Variants in TTC34 observed in about 807,000 individuals in gnomAD.
TTC34 encodes tetratricopeptide repeat domain 34.
A neutral mutation model predicts 40.7 loss-of-function variants in TTC34; 44 were observed. The observed-to-expected ratio is 1.08, with a 90% CI of 0.85 to 1.39. TTC34 has a LOEUF of 1.39. Ranked by LOEUF, TTC34 falls within the 40% of genes most tolerant of loss-of-function variation. TTC34 has a pLI of 0.00. For synonymous variants in TTC34, 422 were observed against 398.6 expected (o/e 1.06, Z -0.70); for missense variants, 884 against 838.0 (o/e 1.05, Z -0.68).
rs1354658064 is a variant in TTC34 at position 2,751,007 on chromosome 1, C to A, written c.2226+32602G>T. Among the ~76,000 whole-genome samples the A allele has an allele frequency of 8.6e-4, 91 of 105,374 alleles. 2 individuals carry two copies. Among genetic ancestry groups the A allele is most frequent in the Middle Eastern group, 4.7e-3 (1 of 212 alleles). The allele number at this position is 105,374 out of a possible 152,430, so 69.1% of individuals were successfully genotyped here. ...TGATGGTCTGGAGCAGCACCCACAC[C>A]GACAGGTGAGCATCTGACAGCCTGG... On this transcript the variant is annotated intron_variant, in intron 6 of 8. Transcript: ENST00000401095.
intron 6 of TTC34, among the ~76,000 whole-genome samples, chr1:2,691,950 G>C (rs560300924): frequency 4.8e-5 from 4 of 83,934 alleles, no homozygotes; most frequent in African/African-American, 1.6e-4. Flanking sequence ...CACAACCCCA[G>C]GTGAGCATCT....
At chr1:2,795,639 C>A (rs1643704771) in intron 2 of TTC34, among the ~76,000 whole-genome samples, 1 of 152,194 alleles carries the variant, frequency 6.6e-6, no homozygotes, top group Admixed American at 6.5e-5. Flanking sequence ...AGAACAGACC[C>A]TGCATCTTGC....
At chr1:2,684,660 T>G (rs1294902637) in intron 6 of TTC34, among the ~76,000 whole-genome samples, 1 of 131,522 alleles carries the variant, frequency 7.6e-6, no homozygotes. Flanking sequence ...TCCGACAGCC[T>G]GGAGCAGCAC....
chr1:2,699,638 GGT>G (rs1641038126), intron 6 of TTC34, among the ~76,000 whole-genome samples: 2 of 85,460 alleles, frequency 2.3e-5, no homozygotes, highest in Non-Finnish European at 5.7e-5. Flanking sequence ...CTGACAGCCT[GGT>G]GAAGCGCCCA....
At chr1:2,777,456 C>G (rs796352716) in intron 6 of TTC34, among the ~76,000 whole-genome samples, 1 of 152,208 alleles carries the variant, frequency 6.6e-6, no homozygotes, top group Non-Finnish European at 1.5e-5. Flanking sequence ...AGTCCTGCCC[C>G]CCGGTTAGTG....
At position 2,748,921 on chromosome 1, in the gene TTC34, C is replaced by T. The variant is rs1458782818; in HGVS notation, c.2226+34688G>A. 4.3e-5 allele frequency among the ~76,000 whole-genome samples: 5 copies of T among 117,588 alleles called. 1 individual carries two copies. The highest frequency in any genetic ancestry group is 1.7e-4 in the Admixed American group (2 of 11,936). The allele number at this position is 117,588 out of a possible 152,430, so 77.1% of individuals were successfully genotyped here. A position where few individuals can be genotyped will look rare whatever the true frequency, so the allele number is the denominator to read the frequency against. ...TGACAGCCTGGAACAGAACCCACAC[C>T]GCCAGGGGAGTATCTGACAGACTGG... On this transcript the variant is annotated intron_variant, in intron 6 of 8. Coordinates refer to ENST00000401095, the Ensembl canonical transcript of TTC34.
At chr1:2,651,253 G>A (rs1639126531) in intron 6 of TTC34, among the ~76,000 whole-genome samples, 2 of 151,860 alleles carry the variant, frequency 1.3e-5, no homozygotes, top group South Asian at 2.1e-4. Flanking sequence ...ATGTGTGACA[G>A]CCTGAAACAG....
At chr1:2,775,634 G>A (rs576553233) in intron 6 of TTC34, 1 of 148,962 alleles carries the variant, frequency 6.7e-6, no homozygotes, top group Non-Finnish European at 1.5e-5. Context: ...CATCCCCTCA[G>A]GTGAGCATCT....
rs960795892 is a variant in TTC34 at position 2,800,351 on chromosome 1, G to A, written c.477C>T (p.Ala159=). ...TGGAGGCGAAGGCCTGGAGATAGGC[G>A]GCCACACCATCCGCTGCCTGCACCC... is the stretch of plus-strand genomic sequence containing the variant. Residue 159 remains alanine, a synonymous_variant, in exon 2 of 9, where the codon GCC becomes GCT. Coordinates refer to ENST00000401095, the Ensembl canonical transcript of TTC34. 26 of 398,426 alleles carry A rather than the reference G, an allele frequency of 6.5e-5. No homozygotes were observed. In the East Asian group the frequency reaches 8.9e-4, roughly 14 times the overall value. 24.7% of individuals were successfully genotyped at this position (398,426 alleles called of 1,614,324 possible).
intron 6 of TTC34, among the ~76,000 whole-genome samples, chr1:2,767,749 T>A (rs1304637352): frequency 2.2e-5 from 3 of 138,668 alleles, no homozygotes; most frequent in Non-Finnish European, 4.7e-5. Flanking sequence ...TATGACAGAA[T>A]AAAGCAGCAC....
chr1:2,759,552 C>G (rs1641622791), intron 6 of TTC34, among the ~76,000 whole-genome samples: 3 of 151,980 alleles, frequency 2.0e-5, no homozygotes, highest in East Asian at 1.9e-4. Context: ...TGGAACAGCA[C>G]CCACACTCCC....
chr1:2,700,148 G>A lies in TTC34; in HGVS notation c.2227-54585C>T, dbSNP rs935803748. On this transcript the variant is annotated intron_variant, in intron 6 of 8. Coordinates refer to ENST00000401095, the Ensembl canonical transcript of TTC34. ...GCATCCTCACCCCAGGTGAGCATCG[G>A]ACATCCTGGAGCATCACATACTCCC... is the stretch of plus-strand genomic sequence containing the variant. Among the ~76,000 whole-genome samples the A allele has an allele frequency of 2.9e-5, 3 of 101,786 alleles. 1 individual carries two copies. Among genetic ancestry groups the A allele is most frequent in the African/African-American group, 6.1e-5 (2 of 32,554 alleles). The allele number at this position is 101,786 out of a possible 152,430, so 66.8% of individuals were successfully genotyped here.
intron 6 of TTC34, among the ~76,000 whole-genome samples, chr1:2,779,321 A>AT (rs112410867): frequency 0.08 from 11,820 of 148,494 alleles, 1,512 homozygotes; most frequent in African/African-American, 0.27. Context: ...TGGTAGTTCT[A>AT]TTTTTTTTTT....
chr1:2,656,133 A>T (rs1476727470), intron 6 of TTC34, among the ~76,000 whole-genome samples: 101 of 149,268 alleles, frequency 6.8e-4, no homozygotes, highest in African/African-American at 2.4e-3. Context: ...CAGAACCCAC[A>T]GCCCCAGGTG....
At chr1:2,657,387 G>C (rs1326038841) in intron 6 of TTC34, among the ~76,000 whole-genome samples, 17 of 94,588 alleles carry the variant, frequency 1.8e-4, no homozygotes, top group Non-Finnish European at 3.6e-4. Context: ...ACACCCCGAG[G>C]TGAGCATCTG....
intron 6 of TTC34, among the ~76,000 whole-genome samples, chr1:2,685,099 G>C (rs979486928): frequency 7.1e-6 from 1 of 140,460 alleles, no homozygotes; most frequent in African/African-American, 2.9e-5. Context: ...GCACGTGACA[G>C]CTTGGATCAG....
At chr1:2,692,573 C>T (rs1427851099) in intron 6 of TTC34, among the ~76,000 whole-genome samples, 401 of 137,434 alleles carry the variant, frequency 2.9e-3, no homozygotes, top group South Asian at 5.1e-3. Flanking sequence ...CGGCCTGGAA[C>T]AGCACCCACA....
chr1:2,638,503 G>T (rs561324963), exon 9 of TTC34: 1 of 152,218 alleles, frequency 6.6e-6, no homozygotes, highest in Non-Finnish European at 1.5e-5. Context: ...GGCAGGAATC[G>T]TGCAAAGCAA....
chr1:2,693,312 G>A lies in TTC34; in HGVS notation c.2227-47749C>T, dbSNP rs923625314. Among the ~76,000 whole-genome samples the A allele has an allele frequency of 8.6e-3, 859 of 100,430 alleles. 1 individual carries two copies. Among genetic ancestry groups the A allele is most frequent in the Non-Finnish European group, 0.013 (593 of 44,114 alleles). The allele number at this position is 100,430 out of a possible 152,430, so 65.9% of individuals were successfully genotyped here. ...ACTGGAACTGCACCCCCATGCCCAG[G>A]TGAGCCTCTGACAGCCTGGAACAGC... On this transcript the variant is annotated intron_variant, in intron 6 of 8. Coordinates refer to ENST00000401095, the Ensembl canonical transcript of TTC34.
Sources: gnomAD v4.1 joint callset for allele counts (sites outside exome capture counted in the v4.1 genomes callset) on GRCh38, gnomAD v4.1.1 for gene constraint, MANE v1.5 for transcripts, NCBI Gene and HGNC (gene_info 2026-07-23, HGNC 2026-07-21) for gene names.